LHFPL4: variants seen among roughly 807,000 people sequenced by gnomAD.
LHFPL4 encodes LHFPL tetraspan subfamily member 4.
A neutral mutation model predicts 20.0 loss-of-function variants in LHFPL4; 6 were observed. The ratio of observed to expected loss-of-function variants is 0.30; its 90% CI spans 0.16 to 0.59. The LOEUF (loss-of-function observed/expected upper bound fraction) is 0.59. LHFPL4 is among the 20% of genes least tolerant of loss of function. LHFPL4 has a pLI of 0.88. For synonymous variants in LHFPL4, 129 were observed against 143.8 expected (o/e 0.90, Z 0.74); for missense variants, 215 against 331.2 (o/e 0.65, Z 2.72).
chr3:9,499,946 TC>T lies in LHFPL4; in HGVS notation c.*2264del, dbSNP rs2046158784. The stretch of plus-strand genomic sequence containing the variant: ...CTCTTCCCCGCTCCCGAGTCCTTTT[TC>T]CGCCTTTTCATCCATTTCCCCTCCC... On this transcript the variant is annotated 3_prime_UTR_variant, in exon 4 of 4. Coordinates refer to ENST00000287585, the MANE Select transcript of LHFPL4 (RefSeq NM_198560.3). The T allele has an allele frequency of 6.6e-6, 1 of 152,176 alleles. No homozygotes were observed. The highest frequency in any genetic ancestry group is 2.4e-5 in the African/African-American group (1 of 41,156). The allele number at this position is 152,176 out of a possible 1,614,324, so 9.4% of individuals were successfully genotyped here.
chr3:9,503,568 T>C (rs2046194504), intron 3 of LHFPL4, among the ~76,000 whole-genome samples: 2 of 152,284 alleles, frequency 1.3e-5, no homozygotes, highest in South Asian at 2.1e-4. Flanking sequence ...GGGAAGAGCT[T>C]GGACTTTGGA....
intron 2 of LHFPL4, among the ~76,000 whole-genome samples, chr3:9,514,149 A>T (rs985722107): frequency 6.6e-6 from 1 of 152,140 alleles, no homozygotes; most frequent in African/African-American, 2.4e-5. Flanking sequence ...TATATTAATA[A>T]ATAAAAAGAA....
At chr3:9,516,083 C>G (rs948739963) in intron 2 of LHFPL4, among the ~76,000 whole-genome samples, 2 of 152,166 alleles carry the variant, frequency 1.3e-5, no homozygotes, top group Non-Finnish European at 2.9e-5. Flanking sequence ...GACTGTGTCT[C>G]TGACAGCAGA....
At chr3:9,538,845 T>C (rs2046459571) in intron 2 of LHFPL4, among the ~76,000 whole-genome samples, 1 of 151,926 alleles carries the variant, frequency 6.6e-6, no homozygotes, top group South Asian at 2.1e-4. Flanking sequence ...ATTACAGGCA[T>C]GCACCACCAC....
chr3:9,529,570 G>T (rs952336994), intron 2 of LHFPL4, among the ~76,000 whole-genome samples: 8 of 152,168 alleles, frequency 5.3e-5, no homozygotes, highest in African/African-American at 1.9e-4. Context: ...ATCTTCCTGA[G>T]AGCGCTTGTG....
chr3:9,507,606 G>T (rs989784562), intron 2 of LHFPL4, among the ~76,000 whole-genome samples: 2 of 152,220 alleles, frequency 1.3e-5, no homozygotes, highest in African/African-American at 4.8e-5. Context: ...GAGGACAAAG[G>T]CAAAGAGGAA....
At chr3:9,525,600 C>T (rs532700800) in intron 2 of LHFPL4, among the ~76,000 whole-genome samples, 27 of 152,142 alleles carry the variant, frequency 1.8e-4, no homozygotes, top group Non-Finnish European at 3.8e-4. Flanking sequence ...GAAGTCCACT[C>T]ATCTGTGTTT....
rs192248003 is a variant in LHFPL4, at chr3:9,500,715, G to A, written c.*1496C>T. Reference sequence around the variant, plus strand: ...CCCTGCAGGTCCAGGCCGCCAGGAGGGGGCGCTGGACGAAGCCGGTCTGCA... The same window carrying A: ...CCCTGCAGGTCCAGGCCGCCAGGAGAGGGCGCTGGACGAAGCCGGTCTGCA... On this transcript the variant is annotated 3_prime_UTR_variant, in exon 4 of 4. Transcript: ENST00000287585. The A allele has an allele frequency of 1.3e-5, 2 of 152,402 alleles. No individual in the cohort carries two copies. The highest frequency in any genetic ancestry group is 3.9e-4 in the East Asian group (2 of 5,176). 9.4% of individuals were successfully genotyped at this position (152,402 alleles called of 1,614,324 possible). A position where few individuals can be genotyped will look rare whatever the true frequency, so the allele number is the denominator to read the frequency against.
intron 2 of LHFPL4, among the ~76,000 whole-genome samples, chr3:9,547,170 G>A (rs186569559): frequency 1.9e-4 from 29 of 152,224 alleles, no homozygotes; most frequent in Non-Finnish European, 7.4e-5. Flanking sequence ...TAAATTATTT[G>A]TAGAGATGGG....
chr3:9,515,040 ATATAGTAAGAG>A (rs1047826323), intron 2 of LHFPL4, among the ~76,000 whole-genome samples: 2 of 152,178 alleles, frequency 1.3e-5, no homozygotes, highest in Non-Finnish European at 2.9e-5. Context: ...TTGCTGGGTC[ATATAGTAAGAG>A]TACATTTATT....
intron 2 of LHFPL4, among the ~76,000 whole-genome samples, chr3:9,537,396 A>G (rs2046450460): frequency 6.6e-6 from 1 of 152,224 alleles, no homozygotes; most frequent in Non-Finnish European, 1.5e-5. Context: ...GGCATCTGGC[A>G]TCACAGATGA....
chr3:9,509,552 C>G (rs1011335483), intron 2 of LHFPL4, among the ~76,000 whole-genome samples: 9 of 152,106 alleles, frequency 5.9e-5, no homozygotes, highest in Admixed American at 1.3e-4. Context: ...AGGAATACAG[C>G]CAACAAGTCA....
intron 2 of LHFPL4, among the ~76,000 whole-genome samples, chr3:9,532,536 C>T (rs1228860665): frequency 1.3e-5 from 2 of 152,004 alleles, no homozygotes; most frequent in East Asian, 3.9e-4. Context: ...AATGGAGTCT[C>T]ACTCTCTTTC....
intron 2 of LHFPL4, among the ~76,000 whole-genome samples, chr3:9,542,038 C>A (rs939055941): frequency 2.6e-5 from 4 of 152,132 alleles, no homozygotes; most frequent in African/African-American, 9.7e-5. Flanking sequence ...GTAATCCCAG[C>A]ATTTTGGGAG....
intron 2 of LHFPL4, among the ~76,000 whole-genome samples, chr3:9,519,229 G>A (rs189487352): frequency 2.3e-4 from 34 of 150,386 alleles, no homozygotes; most frequent in African/African-American, 3.5e-4. Flanking sequence ...ATGAGCCACC[G>A]CACCCAACCT....
At chr3:9,525,021 G>A (rs957425945) in intron 2 of LHFPL4, among the ~76,000 whole-genome samples, 1 of 152,094 alleles carries the variant, frequency 6.6e-6, no homozygotes, top group Non-Finnish European at 1.5e-5. Flanking sequence ...CCTTAGGTGG[G>A]ACAGCATGGC....
intron 2 of LHFPL4, among the ~76,000 whole-genome samples, chr3:9,522,081 A>G (rs2046341256): frequency 6.6e-6 from 1 of 152,132 alleles, no homozygotes; most frequent in Non-Finnish European, 1.5e-5. Context: ...AAAGTTTGCA[A>G]TATACATTTC....
At chr3:9,521,230 TTC>T (rs1171533353) in intron 2 of LHFPL4, among the ~76,000 whole-genome samples, 3 of 106,060 alleles carry the variant, frequency 2.8e-5, no homozygotes, top group African/African-American at 1.2e-4. Context: ...TTTCTTCTTC[TTC>T]TTTTTTTTTT....
intron 3 of LHFPL4, among the ~76,000 whole-genome samples, 169 bp from the exon 4 acceptor site, chr3:9,502,480 T>A (rs2046184088): frequency 6.6e-6 from 1 of 151,742 alleles, no homozygotes; most frequent in African/African-American, 2.4e-5. Flanking sequence ...GGCGGGTGGA[T>A]CACTTGAGGT....
Sources: allele counts gnomAD v4.1 joint callset (sites outside exome capture counted in the v4.1 genomes callset), GRCh38; gene constraint gnomAD v4.1.1; transcripts MANE v1.5; gene names NCBI Gene and HGNC (gene_info 2026-07-23, HGNC 2026-07-21).